KCNH7: variants seen among roughly 807,000 people sequenced by gnomAD.
KCNH7 encodes potassium voltage-gated channel subfamily H member 7.
KCNH7 carries 49 observed loss-of-function variants against 120.8 expected under a neutral mutation model. The ratio of observed to expected loss-of-function variants is 0.41; its 90% CI spans 0.32 to 0.51. The LOEUF (loss-of-function observed/expected upper bound fraction) is 0.51, where lower values mean the gene tolerates loss of function less well. Ranked by LOEUF, KCNH7 falls within the 20% of genes least tolerant of loss-of-function variation. The pLI is 0.38. For missense variants in KCNH7, 1,097 were observed against 1,446.6 expected (o/e 0.76, Z 3.92); for synonymous variants, 547 against 516.1 (o/e 1.06, Z -0.81).
At chr2:162,398,562 G>GT (rs748359352) in intron 10 of KCNH7, among the ~76,000 whole-genome samples, 107 of 151,854 alleles carry the variant, frequency 7.0e-4, no homozygotes, top group South Asian at 2.9e-3. Context: ...AGATATTATT[G>GT]TTTTTAAAAA....
chr2:162,714,534 C>T (rs1054767525), intron 2 of KCNH7, among the ~76,000 whole-genome samples: 2 of 152,170 alleles, frequency 1.3e-5, no homozygotes, highest in African/African-American at 4.8e-5. Flanking sequence ...GACTCAATAA[C>T]CAGGCTAGAC....
chr2:162,405,135 A>G (rs532168186), intron 9 of KCNH7, among the ~76,000 whole-genome samples: 50 of 152,148 alleles, frequency 3.3e-4, no homozygotes, highest in South Asian at 1.0e-3. Context: ...AGGCTGCTAC[A>G]GATCCTTTAT....
intron 2 of KCNH7, among the ~76,000 whole-genome samples, chr2:162,664,328 T>C (rs574056172): frequency 6.6e-6 from 1 of 152,270 alleles, no homozygotes; most frequent in East Asian, 1.9e-4. Context: ...AAAATTGTGT[T>C]AGCAATTTCT....
chr2:162,733,557 G>A (rs1687801727), intron 2 of KCNH7, among the ~76,000 whole-genome samples: 2 of 152,204 alleles, frequency 1.3e-5, no homozygotes, highest in South Asian at 4.1e-4. Flanking sequence ...ATAATACAAA[G>A]CAGTGCTGAA....
chr2:162,379,212 A>G (rs945042871), intron 14 of KCNH7, among the ~76,000 whole-genome samples: 9 of 152,194 alleles, frequency 5.9e-5, no homozygotes, highest in African/African-American at 1.7e-4. Flanking sequence ...CAAGTGAAAC[A>G]CAACTAAAGC....
At chr2:162,676,563 G>T (rs1039995749) in intron 2 of KCNH7, among the ~76,000 whole-genome samples, 1 of 151,348 alleles carries the variant, frequency 6.6e-6, no homozygotes, top group Non-Finnish European at 1.5e-5. Flanking sequence ...AGAACCAATT[G>T]AACCTTCCCT....
intron 2 of KCNH7, among the ~76,000 whole-genome samples, chr2:162,732,630 A>G (rs148768540): frequency 9.2e-4 from 140 of 152,320 alleles, no homozygotes; most frequent in African/African-American, 3.2e-3. Context: ...TCAGCAAGTC[A>G]CTGCTTCTTT....
intron 5 of KCNH7, 112 bp downstream of exon 5, chr2:162,512,542 T>C: frequency 1.1e-6 from 1 of 869,582 alleles, no homozygotes; most frequent in Non-Finnish European, 1.8e-6. Flanking sequence ...CCCAAATAGC[T>C]AAGGGCAGCA....
intron 6 of KCNH7, among the ~76,000 whole-genome samples, chr2:162,467,364 G>T (rs1458855594): frequency 2.0e-5 from 3 of 152,200 alleles, no homozygotes; most frequent in African/African-American, 2.4e-5. Context: ...GGAGGTGTTT[G>T]GGTCATGGAG....
chr2:162,421,104 G>A (rs1687696043), intron 9 of KCNH7, among the ~76,000 whole-genome samples: 1 of 152,028 alleles, frequency 6.6e-6, no homozygotes, highest in African/African-American at 2.4e-5. Flanking sequence ...AATGAGAAAT[G>A]TAGACACTGT....
chr2:162,473,375 G>A (rs867393898), intron 6 of KCNH7, among the ~76,000 whole-genome samples: 5 of 152,220 alleles, frequency 3.3e-5, no homozygotes, highest in South Asian at 4.1e-4. Context: ...GAAAGTCAGG[G>A]AAAGAAATAT....
At chr2:162,714,983 T>C (rs962946119) in intron 2 of KCNH7, among the ~76,000 whole-genome samples, 2 of 152,170 alleles carry the variant, frequency 1.3e-5, no homozygotes, top group South Asian at 4.1e-4. Flanking sequence ...ATGCTAATAA[T>C]GAGAATATCA....
At chr2:162,753,031 A>AAGAAAAGAAC (rs1559116574) in intron 2 of KCNH7, among the ~76,000 whole-genome samples, 1 of 127,766 alleles carries the variant, frequency 7.8e-6, no homozygotes, top group Non-Finnish European at 1.6e-5. Flanking sequence ...AAGAAAAGAA[A>AAGAAAAGAAC]CCCTGACTAA....
intron 6 of KCNH7, among the ~76,000 whole-genome samples, chr2:162,471,319 T>C (rs1241168061): frequency 1.3e-5 from 2 of 152,164 alleles, no homozygotes; most frequent in Non-Finnish European, 2.9e-5. Context: ...GGAATCTGAA[T>C]TTTAACAAGC....
At chr2:162,523,107 T>G (rs1233455916) in intron 3 of KCNH7, among the ~76,000 whole-genome samples, 1 of 151,908 alleles carries the variant, frequency 6.6e-6, no homozygotes, top group African/African-American at 2.4e-5. Context: ...TCACGTCAGG[T>G]TAGCACAAAA....
At chr2:162,765,545 C>T (rs1313302867) in intron 2 of KCNH7, among the ~76,000 whole-genome samples, 1 of 152,108 alleles carries the variant, frequency 6.6e-6, no homozygotes, top group Non-Finnish European at 1.5e-5. Context: ...ACTTTGTTGA[C>T]ACCACACTGT....
At chr2:162,439,833 AAT>A (rs369047495) in intron 7 of KCNH7, among the ~76,000 whole-genome samples, 4 of 150,990 alleles carry the variant, frequency 2.6e-5, no homozygotes, top group Non-Finnish European at 4.4e-5. Flanking sequence ...CTATTTAAAA[AAT>A]ATATATATAT....
rs763338204 is a variant in KCNH7 at position 162,394,387 on chromosome 2, A to ACCT, written c.2709_2710+1dup. The ACCT allele has an allele frequency of 6.7e-7, 1 of 1,500,028 alleles. No individual in the cohort carries two copies. Among genetic ancestry groups the ACCT allele is most frequent in the Admixed American group, 1.7e-5 (1 of 59,356 alleles). 92.9% of individuals were successfully genotyped at this position (1,500,028 alleles called of 1,614,324 possible). ...TTAAACTTTAGGAATGGAATGAATT[A>ACCT]CCTTTCTCTCCTTCACTTTCAAATG... On this transcript the variant is annotated splice_donor_variant, in intron 12 of 15. Transcript: ENST00000332142. LOFTEE classifies it high-confidence loss of function.
chr2:162,819,226 C>T lies in KCNH7; in HGVS notation c.307+17311G>A, dbSNP rs763592906. ...GTCTATTAGATAATAGTATTGTATC[C>T]TTGTAACATTGCCTGAATAATTAAG... is the stretch of plus-strand genomic sequence containing the variant. On this transcript the variant is annotated intron_variant, in intron 2 of 15. Transcript: ENST00000332142. Among the ~76,000 whole-genome samples, 4 of 152,032 alleles carry T rather than the reference C, an allele frequency of 2.6e-5. No individual in the cohort carries two copies. The South Asian group carries it at 8.3e-4, about 32-fold the overall frequency.
Sources: gnomAD v4.1 joint callset for allele counts (sites outside exome capture counted in the v4.1 genomes callset) on GRCh38, gnomAD v4.1.1 for gene constraint, MANE v1.5 for transcripts, NCBI Gene and HGNC (gene_info 2026-07-23, HGNC 2026-07-21) for gene names.